The following TXNRD2 variants were observed in gnomAD, a reference collection of about 807,000 sequenced individuals.
TXNRD2 encodes the protein thioredoxin reductase 2.
Under a neutral mutation model 70.8 loss-of-function variants are expected in TXNRD2, and 67 were observed. That is an observed-to-expected ratio of 0.95 (90% confidence interval 0.78 to 1.16). The LOEUF (loss-of-function observed/expected upper bound fraction) is 1.16. Among genes scored for constraint, TXNRD2 ranks in the 50% most tolerant of loss-of-function variants. TXNRD2 has a pLI of 0.00. For missense variants in TXNRD2, 644 were observed against 719.9 expected, an observed-to-expected ratio of 0.89 and a Z score of 1.21; for synonymous variants, 301 against 295.8, an observed-to-expected ratio of 1.02 and a Z score of -0.18.
intron 8 of TXNRD2, among the ~76,000 whole-genome samples, chr22:19,901,462 T>C (rs976149635): frequency 6.6e-6 from 1 of 152,172 alleles, no homozygotes; most frequent in Non-Finnish European, 1.5e-5. Flanking sequence ...AAAGCTCACG[T>C]CTCGCTCGTG....
intron 2 of TXNRD2, among the ~76,000 whole-genome samples, chr22:19,925,085 C>G (rs542239901): frequency 2.6e-5 from 4 of 151,272 alleles, no homozygotes; most frequent in South Asian, 2.1e-4. Context: ...GAGATCGAGA[C>G]CATCCTGGCT....
rs1211256514 is a variant in TXNRD2 at position 19,909,774 on chromosome 22, CCA to C, written c.662+1601_662+1602del. ...CACCCACACCCTTCACACACACACA[CCA>C]CACACACCACACACACACCACTCAC... is the stretch of plus-strand genomic sequence containing the variant. On this transcript the variant is annotated intron_variant, in intron 8 of 17. Coordinates refer to ENST00000400521, the MANE Select transcript of TXNRD2 (RefSeq NM_006440.5). 6.9e-3 allele frequency among the ~76,000 whole-genome samples: 755 copies of C among 108,870 alleles called. 12 individuals are homozygous for C. The highest frequency in any genetic ancestry group is 0.025 in the African/African-American group (704 of 28,108). 71.4% of individuals were successfully genotyped at this position (108,870 alleles called of 152,430 possible).
At chr22:19,927,041 C>T (rs1041926228) in intron 2 of TXNRD2, among the ~76,000 whole-genome samples, 33 of 152,136 alleles carry the variant, frequency 2.2e-4, no homozygotes, top group Admixed American at 2.0e-3. Flanking sequence ...CACCTGTAAT[C>T]CCAACACTTT....
intron 11 of TXNRD2, among the ~76,000 whole-genome samples, chr22:19,885,716 C>T (rs192242492): frequency 4.6e-5 from 7 of 152,276 alleles, no homozygotes; most frequent in East Asian, 1.9e-4. Flanking sequence ...TGCTCCGTGC[C>T]GGAACAGAAC....
intron 8 of TXNRD2, among the ~76,000 whole-genome samples, chr22:19,906,621 C>G (rs1222408273): frequency 4.0e-5 from 6 of 151,280 alleles, no homozygotes; most frequent in Admixed American, 1.3e-4. Context: ...GACCCTGTCT[C>G]AAAGATAAAA....
chr22:19,934,392 A>AAAAAAC (rs1555915968), intron 1 of TXNRD2, among the ~76,000 whole-genome samples: 1 of 150,994 alleles, frequency 6.6e-6, no homozygotes, highest in Non-Finnish European at 1.5e-5. Flanking sequence ...GAAAAAAAAA[A>AAAAAAC]AAAAAAAAAC....
At chr22:19,918,744 A>T in intron 4 of TXNRD2, 116 bp downstream of exon 4, 1 of 1,321,608 alleles carries the variant, frequency 7.6e-7, no homozygotes, top group South Asian at 1.2e-5. Flanking sequence ...CCCCTGGCTG[A>T]GAAACCCATC....
At chr22:19,936,845 T>C (rs941159420) in intron 1 of TXNRD2, among the ~76,000 whole-genome samples, 1 of 152,232 alleles carries the variant, frequency 6.6e-6, no homozygotes, top group Non-Finnish European at 1.5e-5. Flanking sequence ...GTGCCTGCTC[T>C]TGAAACTTTC....
At chr22:19,880,973 G>A in intron 12 of TXNRD2, 1 of 584,498 alleles carries the variant, frequency 1.7e-6, no homozygotes, top group South Asian at 2.2e-5. Flanking sequence ...TGCTGATGAG[G>A]CTGGCCGTGC....
chr22:19,885,280 A>G (rs1346680143), intron 11 of TXNRD2, among the ~76,000 whole-genome samples: 1 of 152,226 alleles, frequency 6.6e-6, no homozygotes, highest in African/African-American at 2.4e-5. Flanking sequence ...TTTTGCCTCA[A>G]AAGCATAGCT....
At chr22:19,919,734 A>C (rs1940820519) in intron 2 of TXNRD2, 135 bp from the exon 3 acceptor site, 3 of 845,888 alleles carry the variant, frequency 3.5e-6, no homozygotes, top group Non-Finnish European at 5.8e-6. Context: ...ACAGTGGCTG[A>C]GCTGCGCAAT....
intron 8 of TXNRD2, among the ~76,000 whole-genome samples, chr22:19,905,838 G>A (rs539348419): frequency 6.6e-6 from 1 of 150,882 alleles, no homozygotes; most frequent in Non-Finnish European, 1.5e-5. Context: ...CCACCACACC[G>A]CAGAAGAAGT....
rs769625214 is a variant in TXNRD2, at chr22:19,918,916, C to T, written c.318G>A (p.Leu106=). 6.2e-7 allele frequency: 1 copy of T among 1,612,878 alleles called. No individual in the cohort carries two copies. Among genetic ancestry groups the T allele is most frequent in the Non-Finnish European group, 8.5e-7 (1 of 1,179,954 alleles). Residue 106 remains leucine (L), a synonymous_variant, in exon 4 of 18, where the codon CTG becomes CTA. Coordinates refer to ENST00000400521, the MANE Select transcript of TXNRD2 (RefSeq NM_006440.5). ...LMHQAALLGG[L]IQDAPNYGWE... Reference sequence around the variant, plus strand: ...AGCCATAGTTGGGGGCATCTTGGATCAGGCCTCCCAGCAGTGCCGCCTGGT... The same window carrying T: ...AGCCATAGTTGGGGGCATCTTGGATTAGGCCTCCCAGCAGTGCCGCCTGGT...
intron 1 of TXNRD2, among the ~76,000 whole-genome samples, chr22:19,941,398 TATC>T (rs1286067967): frequency 2.0e-5 from 3 of 152,026 alleles, no homozygotes; most frequent in African/African-American, 7.3e-5. Flanking sequence ...GGAGGTGGGA[TATC>T]ATCATCTTCA....
At chr22:19,930,522 CCAAGTA>C (rs1023053622) in intron 2 of TXNRD2, among the ~76,000 whole-genome samples, 138 of 152,220 alleles carry the variant, frequency 9.1e-4, no homozygotes, top group African/African-American at 3.3e-3. Flanking sequence ...GGGTGCCAGG[CCAAGTA>C]CAAGACTCAC....
At position 19,918,125 on chromosome 22, in the gene TXNRD2, C is replaced by CGGAGAGAGCTTCA; in HGVS notation, c.449+5_449+17dup. On this transcript the variant is annotated intron_variant, in intron 5 of 17. Transcript: ENST00000400521. ...GAAGGCCCAGAGGGCGGCCCATTCC[C>CGGAGAGAGCTTCA]GGAGAGAGCTTCAGTACCTGTCCTG... 6.2e-7 allele frequency: 1 copy of CGGAGAGAGCTTCA among 1,613,236 alleles called. No individual in the cohort carries two copies.
intron 11 of TXNRD2, among the ~76,000 whole-genome samples, chr22:19,886,238 G>A (rs974983925): frequency 3.3e-5 from 5 of 152,266 alleles, no homozygotes; most frequent in Non-Finnish European, 5.9e-5. Context: ...GGGAGTGGGT[G>A]CAGGGAAGAG....
chr22:19,905,129 T>C (rs1163470283), intron 8 of TXNRD2, among the ~76,000 whole-genome samples: 1 of 152,120 alleles, frequency 6.6e-6, no homozygotes, highest in African/African-American at 2.4e-5. Flanking sequence ...TGTTACAACT[T>C]GCATTAACAG....
At chr22:19,935,613 G>A (rs900068208) in intron 1 of TXNRD2, among the ~76,000 whole-genome samples, 7 of 152,092 alleles carry the variant, frequency 4.6e-5, no homozygotes, top group African/African-American at 7.2e-5. Flanking sequence ...CTGGTTTTGC[G>A]GCTCAGGTGG....
Sources: gnomAD v4.1 joint callset for allele counts (sites outside exome capture counted in the v4.1 genomes callset) on GRCh38, gnomAD v4.1.1 for gene constraint, MANE v1.5 for transcripts, NCBI Gene and HGNC (gene_info 2026-07-23, HGNC 2026-07-21) for gene names.